Variants in CPSF4L observed in about 807,000 individuals in gnomAD.
CPSF4L encodes the protein putative cleavage and polyadenylation specificity factor subunit 4-like protein.
In CPSF4L, 18 loss-of-function variants were observed where a neutral mutation model predicts 24.0. The observed-to-expected ratio is 0.75, with a 90% CI of 0.52 to 1.11. The LOEUF is 1.11. Ranked by LOEUF, CPSF4L falls within the 50% of genes least tolerant of loss-of-function variation. The probability of loss-of-function intolerance (pLI) is 0.00; values close to 1 mark genes in which losing one functional copy is unlikely to be tolerated. For missense variants in CPSF4L, 211 were observed against 221.8 expected (o/e 0.95, Z 0.31); for synonymous variants, 72 against 77.2 (o/e 0.93, Z 0.35).
the CPSF4L span, among the ~76,000 whole-genome samples, chr17:73,243,374 G>A: frequency 2.6e-5 from 4 of 151,998 alleles, no homozygotes; most frequent in Admixed American, 1.3e-4. Context: ...GGCTGGTCTC[G>A]AACTGCCGAC....
rs1300099907 is a variant in CPSF4L at position 73,261,820 on chromosome 17, T to C, written c.-2A>G. On this transcript the variant is annotated 5_prime_UTR_variant, in exon 1 of 6. Coordinates refer to ENST00000344935, the MANE Select transcript of CPSF4L (RefSeq NM_001129885.1). Reference sequence around the variant, plus strand: ...TAGCCCCGCAATGACCTCTTGCATCTTCCGTCTCCTGCTGGGGCTGCGGAA... The same window carrying C: ...TAGCCCCGCAATGACCTCTTGCATCCTCCGTCTCCTGCTGGGGCTGCGGAA... The C allele has an allele frequency of 4.5e-6, 7 of 1,550,774 alleles. No individual in the cohort carries two copies. In the South Asian group the frequency reaches 8.3e-5, roughly 18 times the overall value.
At chr17:73,242,896 G>A in the CPSF4L span, 1 of 1,612,392 alleles carries the variant, frequency 6.2e-7, no homozygotes, top group Non-Finnish European at 8.5e-7. Flanking sequence ...TTTTGAACAG[G>A]CTGGATCAGG....
chr17:73,245,456 A>G, downstream of CPSF4L: 5 of 1,145,682 alleles, frequency 4.4e-6, no homozygotes, highest in Non-Finnish European at 5.4e-6. Context: ...AGTTTTGTTT[A>G]ACCATAAAGT....
chr17:73,254,198 A>G (rs2062015835), intron 3 of CPSF4L, among the ~76,000 whole-genome samples, 172 bp from the exon 4 acceptor site: 1 of 152,216 alleles, frequency 6.6e-6, no homozygotes, highest in African/African-American at 2.4e-5. Context: ...CAGTCTAAAA[A>G]GGGTGGATCC....
downstream of CPSF4L, chr17:73,248,150 C>T (rs2061977561): frequency 7.8e-6 from 2 of 257,842 alleles, no homozygotes; most frequent in Non-Finnish European, 1.5e-5. Context: ...ATTTTTCGCT[C>T]ATGTATGCAA....
chr17:73,262,696 TC>T (rs1453722976), upstream of CPSF4L, among the ~76,000 whole-genome samples: 1 of 152,144 alleles, frequency 6.6e-6, no homozygotes, highest in Non-Finnish European at 1.5e-5. Flanking sequence ...TAGACCAGGT[TC>T]CCCCTCCCCC....
At position 73,248,529 on chromosome 17, in the gene CPSF4L, G is replaced by A. The variant is rs148801948; in HGVS notation, c.505C>T (p.Arg169Trp). ...GPKCQFAQKIREFKLLPGSKI is the reference protein window; with the variant it reads ...GPKCQFAQKIWEFKLLPGSKI ...CTTCCAGGCAGCAGCTTGAATTCCCGAATCTTCCTGCAAGGTGCATACAAA... is the reference window on the plus strand; with the variant it reads ...CTTCCAGGCAGCAGCTTGAATTCCCAAATCTTCCTGCAAGGTGCATACAAA... Residue 169 changes from arginine (R) to tryptophan (W), a missense_variant, in exon 6 of 6, where the codon CGG becomes TGG. Arg to Trp is a moderately radical substitution (Grantham distance 101). Transcript: ENST00000344935. 1,584 of 1,551,638 alleles carry A rather than the reference G, an allele frequency of 1.0e-3. 11 individuals carry two copies. In the East Asian group the frequency reaches 0.011, roughly 11 times the overall value.
At chr17:73,243,451 G>A (rs1315274614), downstream of CPSF4L, among the ~76,000 whole-genome samples, 1 of 152,012 alleles carries the variant, frequency 6.6e-6, no homozygotes, top group Non-Finnish European at 1.5e-5. Flanking sequence ...ACTGCACCTG[G>A]CAGGCTCCGG....
At chr17:73,259,658 G>A (rs2062037831) in intron 2 of CPSF4L, among the ~76,000 whole-genome samples, 1 of 152,194 alleles carries the variant, frequency 6.6e-6, no homozygotes, top group Non-Finnish European at 1.5e-5. Flanking sequence ...AGCCTGCAGG[G>A]TCCTGGGTGC....
At chr17:73,254,486 C>G (rs186613751) in intron 3 of CPSF4L, among the ~76,000 whole-genome samples, 4 of 152,210 alleles carry the variant, frequency 2.6e-5, no homozygotes, top group Non-Finnish European at 5.9e-5. Context: ...GAGCCCTGCT[C>G]AAGGTGGCAC....
Position 73,260,989 on chromosome 17 carries a change from A to C in CPSF4L, c.104-6T>G. ...GCACACAGCTGAGGCCGACTCTGGA[A>C]GGAGAAGAGGGAACGGAGAAGGTAG... On this transcript the variant is annotated splice_polypyrimidine_tract_variant and splice_region_variant and intron_variant, in intron 1 of 5. Transcript: ENST00000344935. 3.2e-6 allele frequency: 5 copies of C among 1,549,658 alleles called. No individual in the cohort carries two copies. The highest frequency in any genetic ancestry group is 1.4e-5 in the African/African-American group (1 of 73,066).
At chr17:73,255,118 G>A (rs892220169) in intron 3 of CPSF4L, among the ~76,000 whole-genome samples, 3 of 152,228 alleles carry the variant, frequency 2.0e-5, no homozygotes, top group East Asian at 1.9e-4. Flanking sequence ...AAGGAGCGTC[G>A]TAGCGTCTAT....
At chr17:73,250,210 A>T (rs1210100585) in intron 5 of CPSF4L, 3 of 1,544,626 alleles carry the variant, frequency 1.9e-6, no homozygotes, top group African/African-American at 1.4e-5. Context: ...TAGTAAGACC[A>T]TTGAGCATCT....
chr17:73,242,391 C>T, the CPSF4L span: 1 of 1,362,324 alleles, frequency 7.3e-7, no homozygotes, highest in Non-Finnish European at 1.0e-6. Context: ...GTTGCAGGTT[C>T]TGGGCATTTG....
chr17:73,254,657 A>G (rs1316055967), intron 3 of CPSF4L, among the ~76,000 whole-genome samples: 1 of 151,914 alleles, frequency 6.6e-6, no homozygotes, highest in Non-Finnish European at 1.5e-5. Context: ...TATTATTATT[A>G]TTTTGAGACA....
intron 5 of CPSF4L, among the ~76,000 whole-genome samples, chr17:73,249,560 C>T (rs2061994119): frequency 6.6e-6 from 1 of 152,156 alleles, no homozygotes; most frequent in South Asian, 2.1e-4. Context: ...AGGCACCTGT[C>T]TTTTTACCAA....
intron 4 of CPSF4L, 74 bp downstream of exon 4, chr17:73,253,857 T>C (rs1259773366): frequency 8.5e-6 from 8 of 938,230 alleles, no homozygotes; most frequent in East Asian, 7.9e-5. Flanking sequence ...ATCAGGAAAA[T>C]GGCCCCTCCC....
At chr17:73,242,201 C>T in the CPSF4L span, 21 of 1,347,390 alleles carry the variant, frequency 1.6e-5, no homozygotes, top group East Asian at 7.2e-5. Flanking sequence ...GAAGGGGGTA[C>T]GTTTCGGTAA....
At chr17:73,243,339 A>G in the CPSF4L span, 1 of 351,320 alleles carries the variant, frequency 2.8e-6, no homozygotes, top group Non-Finnish European at 5.5e-6. Flanking sequence ...TTTTTAGTAG[A>G]GACGGGGTTT....
Sources: allele counts gnomAD v4.1 joint callset (sites outside exome capture counted in the v4.1 genomes callset), GRCh38; gene constraint gnomAD v4.1.1; transcripts MANE v1.5; gene names NCBI Gene and HGNC (gene_info 2026-07-23, HGNC 2026-07-21).